STXBP5L: variants seen among roughly 807,000 people sequenced by gnomAD.
The protein encoded by STXBP5L is syntaxin binding protein 5L, also known as syntaxin-binding protein 5-like.
Under a neutral mutation model 144.5 loss-of-function variants are expected in STXBP5L, and 65 were observed. The ratio of observed to expected loss-of-function variants is 0.45; its 90% CI spans 0.37 to 0.55. STXBP5L has a LOEUF of 0.55. Among genes scored for constraint, STXBP5L ranks in the 20% least tolerant of loss-of-function variants. The probability of loss-of-function intolerance (pLI) is 0.00; values close to 1 mark genes in which losing one functional copy is unlikely to be tolerated. For missense variants in STXBP5L, 1,298 were observed against 1,405.5 expected (o/e 0.92, Z 1.22); for synonymous variants, 505 against 469.6 (o/e 1.08, Z -0.97).
chr3:121,420,971 A>C lies in STXBP5L; in HGVS notation c.*1874A>C, dbSNP rs1489493643. ...CCTCTTGTTAAGAAAGCCTCTCTGA[A>C]TCTCCCAGACTCCTGTGAACAGCCT... On this transcript the variant is annotated 3_prime_UTR_variant, in exon 27 of 27. Coordinates refer to ENST00000471454, the MANE Select transcript of STXBP5L (RefSeq NM_001308330.2). 1 of 152,150 alleles carries C rather than the reference A, an allele frequency of 6.6e-6. No homozygotes were observed. The highest frequency in any genetic ancestry group is 2.4e-5 in the African/African-American group (1 of 41,442). The allele number at this position is 152,150 out of a possible 1,614,324, so 9.4% of individuals were successfully genotyped here. A position where few individuals can be genotyped will look rare whatever the true frequency, so the allele number is the denominator to read the frequency against.
rs759195951 is a variant in STXBP5L at position 120,954,928 on chromosome 3, G to T, written c.190-12G>T. 2.5e-6 allele frequency: 4 copies of T among 1,602,194 alleles called. No homozygotes were observed. The highest frequency in any genetic ancestry group is 3.4e-6 in the Non-Finnish European group (4 of 1,172,350). Reference sequence around the variant, plus strand: ...CCCTAGAGACTTATTGGTATTATTTGCTCTCTTTCAGACAGTTCGGCATGG... The same window carrying T: ...CCCTAGAGACTTATTGGTATTATTTTCTCTCTTTCAGACAGTTCGGCATGG... On this transcript the variant is annotated splice_polypyrimidine_tract_variant and intron_variant, in intron 2 of 26. Transcript: ENST00000471454.
At chr3:121,357,404 T>C (rs571388615) in intron 20 of STXBP5L, 2 of 154,176 alleles carry the variant, frequency 1.3e-5, no homozygotes, top group African/African-American at 4.8e-5. Flanking sequence ...ATTCCAACAA[T>C]GTTTTGCTAG....
At chr3:121,378,688 G>A in intron 20 of STXBP5L, 28 bp from the exon 21 acceptor site, 1 of 1,607,338 alleles carries the variant, frequency 6.2e-7, no homozygotes. Context: ...ATCATTATAT[G>A]TATGCTGCCT....
intron 2 of STXBP5L, among the ~76,000 whole-genome samples, chr3:120,926,370 T>TG (rs1491099101): frequency 7.3e-5 from 11 of 151,434 alleles, no homozygotes; most frequent in African/African-American, 2.7e-4. Context: ...TTTTTTTTTT[T>TG]TCTTTCACCA....
chr3:121,028,061 AGAAATCACATACGC>A (rs1946078862), intron 3 of STXBP5L, among the ~76,000 whole-genome samples: 1 of 152,158 alleles, frequency 6.6e-6, no homozygotes, highest in Non-Finnish European at 1.5e-5. Context: ...AAATTTCTTC[AGAAATCACATACGC>A]AATATACATT....
chr3:121,211,363 T>C (rs565275082), intron 10 of STXBP5L, among the ~76,000 whole-genome samples: 2 of 152,256 alleles, frequency 1.3e-5, no homozygotes, highest in South Asian at 4.1e-4. Context: ...TACAATCATG[T>C]CATCTGTAAA....
At chr3:121,123,638 A>G (rs2044573247) in intron 7 of STXBP5L, among the ~76,000 whole-genome samples, 1 of 151,780 alleles carries the variant, frequency 6.6e-6, no homozygotes, top group African/African-American at 2.4e-5. Flanking sequence ...GAAAATGGTC[A>G]AAGTTATTCT....
At chr3:121,386,407 A>T (rs2046426638) in intron 22 of STXBP5L, among the ~76,000 whole-genome samples, 1 of 151,986 alleles carries the variant, frequency 6.6e-6, no homozygotes, top group Non-Finnish European at 1.5e-5. Context: ...TTATTTATTT[A>T]TTTATTTTAT....
At chr3:121,208,372 T>C (rs1156831229) in intron 10 of STXBP5L, among the ~76,000 whole-genome samples, 2 of 151,648 alleles carry the variant, frequency 1.3e-5, no homozygotes, top group African/African-American at 2.4e-5. Context: ...TTAGGAGATA[T>C]ATCTAATGTA....
chr3:121,155,329 T>C (rs2046075283), intron 8 of STXBP5L, among the ~76,000 whole-genome samples: 2 of 151,976 alleles, frequency 1.3e-5, no homozygotes, highest in South Asian at 4.1e-4. Context: ...TTCTAACTTC[T>C]CATCATGAAC....
At chr3:121,166,467 G>A (rs1290329686) in intron 9 of STXBP5L, among the ~76,000 whole-genome samples, 1 of 151,836 alleles carries the variant, frequency 6.6e-6, no homozygotes, top group Non-Finnish European at 1.5e-5. Context: ...ATTAGTTTTT[G>A]TTTCTAAAGT....
At chr3:121,307,613 GAC>G (rs2108505160) in intron 19 of STXBP5L, among the ~76,000 whole-genome samples, 2 of 152,100 alleles carry the variant, frequency 1.3e-5, no homozygotes, top group South Asian at 2.1e-4. Flanking sequence ...GGTTAATAGA[GAC>G]AGTGCATTCT....
intron 3 of STXBP5L, among the ~76,000 whole-genome samples, chr3:121,002,314 G>A (rs1018586943): frequency 3.9e-5 from 6 of 152,050 alleles, no homozygotes; most frequent in Non-Finnish European, 5.9e-5. Context: ...AATGTTGAGC[G>A]CATTTTCATA....
chr3:121,413,763 T>C (rs555793515), intron 24 of STXBP5L, among the ~76,000 whole-genome samples: 1 of 152,322 alleles, frequency 6.6e-6, no homozygotes, highest in East Asian at 1.9e-4. Context: ...TTGTCTTTTA[T>C]TGTAGCAGTA....
intron 22 of STXBP5L, among the ~76,000 whole-genome samples, chr3:121,400,897 TA>T (rs1188780667): frequency 3.9e-5 from 6 of 152,156 alleles, no homozygotes; most frequent in Admixed American, 2.0e-4. Context: ...TTATGAATAA[TA>T]AAAAAAGTTA....
chr3:121,004,866 T>C (rs1944133381), intron 3 of STXBP5L, among the ~76,000 whole-genome samples: 1 of 152,216 alleles, frequency 6.6e-6, no homozygotes, highest in Non-Finnish European at 1.5e-5. Flanking sequence ...TTGATTTGCA[T>C]ATGTTGAACC....
intron 3 of STXBP5L, among the ~76,000 whole-genome samples, chr3:120,998,903 G>T (rs1388343890): frequency 6.6e-6 from 1 of 152,112 alleles, no homozygotes; most frequent in African/African-American, 2.4e-5. Context: ...CCAATCTCAT[G>T]GATAGGAAGA....
intron 2 of STXBP5L, among the ~76,000 whole-genome samples, chr3:120,941,773 A>G (rs1365143121): frequency 6.6e-6 from 1 of 151,718 alleles, no homozygotes; most frequent in East Asian, 1.9e-4. Flanking sequence ...GGGCAAATGG[A>G]AGGCATGATG....
chr3:121,141,291 G>A (rs2045494338), intron 7 of STXBP5L, among the ~76,000 whole-genome samples: 2 of 151,794 alleles, frequency 1.3e-5, no homozygotes, highest in African/African-American at 4.8e-5. Context: ...TAATCCCAGC[G>A]ATTCGGGAGG....
Sources: gnomAD v4.1 joint callset for allele counts (sites outside exome capture counted in the v4.1 genomes callset) on GRCh38, gnomAD v4.1.1 for gene constraint, MANE v1.5 for transcripts, NCBI Gene and HGNC (gene_info 2026-07-23, HGNC 2026-07-21) for gene names.